The following CTIF variants were observed in gnomAD, a reference collection of about 807,000 sequenced individuals.
The protein encoded by CTIF is CBP80/20-dependent translation initiation factor.
In CTIF, 21 loss-of-function variants were observed where a neutral mutation model predicts 66.0. That is an observed-to-expected ratio of 0.32 (90% confidence interval 0.23 to 0.46). The LOEUF (loss-of-function observed/expected upper bound fraction) is 0.46. CTIF is among the 20% of genes least tolerant of loss of function. The pLI, the probability that CTIF is intolerant of heterozygous loss-of-function variation, is 1.00. For synonymous variants in CTIF, 345 were observed against 326.4 expected, an observed-to-expected ratio of 1.06 and a Z score of -0.62; for missense variants, 739 against 812.7, an observed-to-expected ratio of 0.91 and a Z score of 1.10.
chr18:48,675,796 G>A (rs1276753777), intron 6 of CTIF, among the ~76,000 whole-genome samples: 1 of 152,218 alleles, frequency 6.6e-6, no homozygotes, highest in East Asian at 1.9e-4. Context: ...GTGGGGCTGG[G>A]GGAGTTACAA....
chr18:48,728,470 G>A (rs867270407), intron 7 of CTIF, among the ~76,000 whole-genome samples: 2 of 152,156 alleles, frequency 1.3e-5, no homozygotes, highest in South Asian at 4.1e-4. Flanking sequence ...AGTTTATGAC[G>A]GTCAAGCATC....
intron 7 of CTIF, among the ~76,000 whole-genome samples, chr18:48,721,748 C>T (rs1319373243): frequency 1.4e-5 from 2 of 138,012 alleles, no homozygotes; most frequent in African/African-American, 3.0e-5. Context: ...AGAGAACGTG[C>T]ATCCCCCCCT....
At chr18:48,640,922 G>A (rs144535549) in intron 3 of CTIF, among the ~76,000 whole-genome samples, 2,882 of 152,328 alleles carry the variant, frequency 0.019, 35 homozygotes, top group African/African-American at 0.031. Flanking sequence ...TGGGTCCCAC[G>A]AGAGAGGAGG....
intron 9 of CTIF, among the ~76,000 whole-genome samples, chr18:48,769,543 A>G (rs1341181209): frequency 6.6e-6 from 1 of 152,244 alleles, no homozygotes; most frequent in Non-Finnish European, 1.5e-5. Flanking sequence ...GAAGGTGGGC[A>G]CCAACAGGCC....
intron 9 of CTIF, among the ~76,000 whole-genome samples, chr18:48,796,928 C>T (rs2067933225): frequency 6.6e-6 from 1 of 152,152 alleles, no homozygotes. Context: ...CTTTATAGAG[C>T]TCAGGTCTTT....
In CTIF at chr18:48,758,409, C is replaced by T; in HGVS notation, c.1071+4C>T. 2.6e-6 allele frequency: 4 copies of T among 1,567,422 alleles called. No homozygotes were observed. In the Middle Eastern group the frequency reaches 6.9e-4, roughly 270 times the overall value. Reference sequence around the variant, plus strand: ...GCGGCGAAGGCTAAAGGAAAAGGTACCGGTAATTGAATTTTTGTTCTTCTC... The same window carrying T: ...GCGGCGAAGGCTAAAGGAAAAGGTATCGGTAATTGAATTTTTGTTCTTCTC... On this transcript the variant is annotated splice_donor_region_variant and intron_variant, in intron 8 of 11. Transcript: ENST00000256413.
intron 10 of CTIF, among the ~76,000 whole-genome samples, chr18:48,818,553 G>A (rs191102273): frequency 6.6e-5 from 10 of 152,290 alleles, no homozygotes; most frequent in South Asian, 2.1e-4. Context: ...AAGAGGTCAC[G>A]CATGGAGGTA....
chr18:48,609,705 A>G (rs1407601289), intron 1 of CTIF, among the ~76,000 whole-genome samples: 1 of 152,196 alleles, frequency 6.6e-6, no homozygotes, highest in East Asian at 1.9e-4. Context: ...AGCCAGGGAT[A>G]TGGCTGTCCA....
At chr18:48,807,935 C>G (rs1229653851) in intron 9 of CTIF, among the ~76,000 whole-genome samples, 1 of 152,000 alleles carries the variant, frequency 6.6e-6, no homozygotes, top group Non-Finnish European at 1.5e-5. Flanking sequence ...TAATTGTTCC[C>G]CTGTTGTTGG....
At chr18:48,765,110 G>T (rs752962587) in intron 9 of CTIF, among the ~76,000 whole-genome samples, 6 of 152,220 alleles carry the variant, frequency 3.9e-5, no homozygotes, top group African/African-American at 1.4e-4. Flanking sequence ...AAAAGAAAGC[G>T]ATGGGCTGGG....
At chr18:48,740,231 C>A (rs1421642278) in intron 7 of CTIF, among the ~76,000 whole-genome samples, 4 of 152,190 alleles carry the variant, frequency 2.6e-5, no homozygotes, top group Non-Finnish European at 5.9e-5. Flanking sequence ...CCTCTCTTGG[C>A]AGCCTGTGAC....
At chr18:48,717,765 C>A (rs1215639780) in intron 7 of CTIF, among the ~76,000 whole-genome samples, 2 of 152,170 alleles carry the variant, frequency 1.3e-5, no homozygotes, top group Non-Finnish European at 2.9e-5. Context: ...CTTGCTCTGT[C>A]ACCCAGGCTG....
chr18:48,576,607 C>T (rs2089537321), intron 1 of CTIF, among the ~76,000 whole-genome samples: 1 of 152,218 alleles, frequency 6.6e-6, no homozygotes, highest in East Asian at 1.9e-4. Context: ...TTCGCTGTGC[C>T]AGCCGGGGCG....
intron 1 of CTIF, among the ~76,000 whole-genome samples, chr18:48,575,588 T>G (rs1198878959): frequency 6.6e-6 from 1 of 152,202 alleles, no homozygotes; most frequent in Non-Finnish European, 1.5e-5. Flanking sequence ...GCACAGGCTT[T>G]ATTTATCTAT....
At chr18:48,842,173 C>T (rs1415131054) in intron 10 of CTIF, among the ~76,000 whole-genome samples, 1 of 152,178 alleles carries the variant, frequency 6.6e-6, no homozygotes, top group Non-Finnish European at 1.5e-5. Context: ...ACTGAAACGT[C>T]TCTTGGAAGA....
chr18:48,583,608 G>A (rs773882520), intron 1 of CTIF, among the ~76,000 whole-genome samples: 13 of 152,138 alleles, frequency 8.5e-5, no homozygotes, highest in Admixed American at 4.6e-4. Flanking sequence ...CCTCAGGTCC[G>A]CAAGGGCCTG....
At chr18:48,619,362 C>A (rs559674095) in intron 1 of CTIF, among the ~76,000 whole-genome samples, 176 bp from the exon 2 acceptor site, 1 of 152,350 alleles carries the variant, frequency 6.6e-6, no homozygotes, top group Admixed American at 6.5e-5. Flanking sequence ...AATTACAGCA[C>A]ATAGTTTATG....
chr18:48,680,845 A>G (rs1291350640), intron 6 of CTIF, among the ~76,000 whole-genome samples: 2 of 152,154 alleles, frequency 1.3e-5, no homozygotes, highest in Non-Finnish European at 2.9e-5. Context: ...TTATTAGCCA[A>G]TGTCCCATTT....
intron 6 of CTIF, among the ~76,000 whole-genome samples, chr18:48,710,985 A>G (rs1031042757): frequency 1.3e-5 from 2 of 152,152 alleles, no homozygotes; most frequent in African/African-American, 4.8e-5. Context: ...TAATAATAAT[A>G]ATGATGATAG....
Sources: allele counts gnomAD v4.1 joint callset (sites outside exome capture counted in the v4.1 genomes callset), GRCh38; gene constraint gnomAD v4.1.1; transcripts MANE v1.5; gene names NCBI Gene and HGNC (gene_info 2026-07-23, HGNC 2026-07-21).